The following KCNMA1 variants were observed in gnomAD, a reference collection of about 807,000 sequenced individuals.
The protein encoded by KCNMA1 is potassium calcium-activated channel subfamily M alpha 1.
Under a neutral mutation model 140.0 loss-of-function variants are expected in KCNMA1, and 29 were observed. That is an observed-to-expected ratio of 0.21 (90% CI 0.15 to 0.28). The LOEUF (loss-of-function observed/expected upper bound fraction) is 0.28. Ranked by LOEUF, KCNMA1 falls within the 10% of genes least tolerant of loss-of-function variation. The probability of loss-of-function intolerance (pLI) is 1.00; values close to 1 mark genes in which losing one functional copy is unlikely to be tolerated. For missense variants in KCNMA1, 880 were observed against 1,602.2 expected (o/e 0.55, Z 7.70); for synonymous variants, 612 against 611.9 (o/e 1.00, Z 0.00).
chr10:77,083,989 G>T (rs995989505), intron 12 of KCNMA1, among the ~76,000 whole-genome samples: 8 of 152,126 alleles, frequency 5.3e-5, no homozygotes, highest in African/African-American at 1.9e-4. Flanking sequence ...CATTAATTTT[G>T]GGAAACTGGA....
In KCNMA1 at chr10:77,590,270, G is replaced by A. The variant is rs536498215; in HGVS notation, c.378+46995C>T. 5.6e-4 allele frequency among the ~76,000 whole-genome samples: 85 copies of A among 152,366 alleles called. No individual in the cohort carries two copies. In the East Asian group the frequency reaches 0.014, roughly 24 times the overall value. On this transcript the variant is annotated intron_variant, in intron 1 of 27. Coordinates refer to ENST00000286628, the MANE Select transcript of KCNMA1 (RefSeq NM_001161352.2). ...AGGTGGAGCTGCCTGCCAGTCCCGCGCCGTGCGCCCGCACTCCTCAGCCCT... is the reference window on the plus strand; with the variant it reads ...AGGTGGAGCTGCCTGCCAGTCCCGCACCGTGCGCCCGCACTCCTCAGCCCT...
intron 19 of KCNMA1, chr10:76,979,586 C>T (rs763489006): frequency 2.6e-5 from 4 of 151,958 alleles, no homozygotes; most frequent in Admixed American, 6.6e-5. Flanking sequence ...AATGCTTGCC[C>T]CAATGATTGT....
intron 1 of KCNMA1, among the ~76,000 whole-genome samples, chr10:77,433,085 T>G (rs959046885): frequency 6.6e-6 from 1 of 152,224 alleles, no homozygotes; most frequent in Admixed American, 6.5e-5. Context: ...GAGGTAAGTT[T>G]CAATTTTTCA....
Position 77,328,619 on chromosome 10 carries a change from C to T in KCNMA1, c.540+75243G>A, listed in dbSNP as rs892814313. Among the ~76,000 whole-genome samples the T allele has an allele frequency of 3.3e-5, 5 of 152,190 alleles. No homozygotes were observed. The South Asian group carries it at 6.2e-4, about 19-fold the overall frequency. ...CCTGAAAGAGACAAGTGGACAAAGA[C>T]TGACGGGTGGTCATGACTTTTCTTT... On this transcript the variant is annotated intron_variant, in intron 2 of 27. Transcript: ENST00000286628.
At chr10:77,605,696 C>T (rs938546209) in intron 1 of KCNMA1, among the ~76,000 whole-genome samples, 14 of 152,262 alleles carry the variant, frequency 9.2e-5, no homozygotes, top group African/African-American at 3.1e-4. Context: ...GGCGCCATCT[C>T]CTGCTCCCTT....
intron 1 of KCNMA1, among the ~76,000 whole-genome samples, chr10:77,448,378 A>C (rs900376107): frequency 3.3e-5 from 5 of 152,334 alleles, no homozygotes; most frequent in African/African-American, 1.2e-4. Context: ...TACACATGAC[A>C]CAGAGAACAG....
At chr10:77,533,748 G>A (rs2058247672) in intron 1 of KCNMA1, among the ~76,000 whole-genome samples, 1 of 152,188 alleles carries the variant, frequency 6.6e-6, no homozygotes, top group Non-Finnish European at 1.5e-5. Context: ...GGCTTTGTGG[G>A]AGAGAACTGC....
intron 6 of KCNMA1, among the ~76,000 whole-genome samples, chr10:77,115,796 T>C (rs908760646): frequency 6.6e-6 from 1 of 152,234 alleles, no homozygotes; most frequent in South Asian, 2.1e-4. Flanking sequence ...GAAATCTGAT[T>C]ATTTTTATGA....
chr10:77,216,234 CG>C (rs2047751951), intron 3 of KCNMA1, among the ~76,000 whole-genome samples: 1 of 151,920 alleles, frequency 6.6e-6, no homozygotes, highest in Non-Finnish European at 1.5e-5. Context: ...GGGTTTCTTT[CG>C]GGGGTGTTGA....
Position 77,197,191 on chromosome 10 carries a change from G to A in KCNMA1, c.603-12275C>T, listed in dbSNP as rs189554622. Among the ~76,000 whole-genome samples, 769 of 152,268 alleles carry A rather than the reference G, an allele frequency of 5.1e-3. 2 individuals carry two copies. Among genetic ancestry groups the A allele is most frequent in the Non-Finnish European group, 8.3e-3 (563 of 68,016 alleles). ...TAGTTTTACTAAACACTATGAAAAC[G>A]ATCAATAATTGCATTTCCTGAGGCA... On this transcript the variant is annotated intron_variant, in intron 3 of 27. Transcript: ENST00000286628.
intron 2 of KCNMA1, among the ~76,000 whole-genome samples, chr10:77,338,171 G>C (rs1184176917): frequency 6.6e-6 from 1 of 152,142 alleles, no homozygotes; most frequent in Non-Finnish European, 1.5e-5. Context: ...CCTCTCTTTG[G>C]TCACAGACTC....
intron 5 of KCNMA1, among the ~76,000 whole-genome samples, chr10:77,127,128 T>C (rs1199118439): frequency 2.0e-5 from 3 of 149,114 alleles, no homozygotes; most frequent in Non-Finnish European, 3.0e-5. Context: ...ACAGAGTACA[T>C]ATAGTGTTAC....
At chr10:77,081,660 G>A (rs1021716666) in intron 12 of KCNMA1, among the ~76,000 whole-genome samples, 4 of 152,124 alleles carry the variant, frequency 2.6e-5, no homozygotes, top group African/African-American at 9.7e-5. Flanking sequence ...TTCACCCTGC[G>A]TTTTTGCACT....
intron 5 of KCNMA1, among the ~76,000 whole-genome samples, chr10:77,174,815 G>A (rs2098738587): frequency 6.6e-6 from 1 of 152,310 alleles, no homozygotes; most frequent in Non-Finnish European, 1.5e-5. Flanking sequence ...GCACAGTAAA[G>A]TTTAGAAAGT....
At chr10:76,949,648 G>A (rs549921237) in intron 21 of KCNMA1, among the ~76,000 whole-genome samples, 1 of 152,268 alleles carries the variant, frequency 6.6e-6, no homozygotes, top group African/African-American at 2.4e-5. Context: ...CCATAAATAT[G>A]TGTGAGCAGA....
chr10:76,878,005 G>A (rs1201557233), intron 29 of KCNMA1: 23 of 988,296 alleles, frequency 2.3e-5, no homozygotes, highest in Non-Finnish European at 3.6e-5. Flanking sequence ...ATCGATAGAA[G>A]CCGACAGTGA....
intron 1 of KCNMA1, among the ~76,000 whole-genome samples, chr10:77,576,323 G>GA (rs1447517828): frequency 1.3e-5 from 2 of 152,182 alleles, no homozygotes; most frequent in African/African-American, 4.8e-5. Flanking sequence ...ACAGGACAAA[G>GA]AAAAAGACTT....
intron 9 of KCNMA1, among the ~76,000 whole-genome samples, chr10:77,106,954 C>T (rs2097209787): frequency 6.6e-6 from 1 of 152,154 alleles, no homozygotes; most frequent in Non-Finnish European, 1.5e-5. Flanking sequence ...CAACTGGCCT[C>T]CTCTGGCCCA....
intron 2 of KCNMA1, among the ~76,000 whole-genome samples, chr10:77,378,754 C>T (rs1004306791): frequency 6.6e-6 from 1 of 152,210 alleles, no homozygotes; most frequent in African/African-American, 2.4e-5. Flanking sequence ...GCATAAAGCA[C>T]TGTATGCAAA....
Sources: gnomAD v4.1 joint callset for allele counts (sites outside exome capture counted in the v4.1 genomes callset) on GRCh38, gnomAD v4.1.1 for gene constraint, MANE v1.5 for transcripts, NCBI Gene and HGNC (gene_info 2026-07-23, HGNC 2026-07-21) for gene names.